Variants in PAX7 observed in about 807,000 individuals in gnomAD.
PAX7 encodes the protein paired box 7, also known as paired box protein Pax-7.
A neutral mutation model predicts 50.7 loss-of-function variants in PAX7; 18 were observed. The observed-to-expected ratio is 0.36, with a 90% confidence interval of 0.25 to 0.53. PAX7 has a LOEUF of 0.53. Among genes scored for constraint, PAX7 ranks in the 20% least tolerant of loss-of-function variants. The probability of loss-of-function intolerance (pLI) is 0.93; values close to 1 mark genes in which losing one functional copy is unlikely to be tolerated. For synonymous variants in PAX7, 310 were observed against 290.4 expected (o/e 1.07, Z -0.69); for missense variants, 644 against 702.9 (o/e 0.92, Z 0.95).
intron 7 of PAX7, among the ~76,000 whole-genome samples, chr1:18,719,008 C>G (rs1371246917): frequency 1.3e-5 from 2 of 152,124 alleles, no homozygotes; most frequent in Admixed American, 1.3e-4. Context: ...ATCCCCCTCC[C>G]CAGCAATCTC....
intron 4 of PAX7, among the ~76,000 whole-genome samples, chr1:18,684,382 T>C (rs994502684): frequency 2.6e-5 from 4 of 152,174 alleles, no homozygotes; most frequent in Admixed American, 2.0e-4. Context: ...TGGACTGTAA[T>C]GGGACGCTTC....
chr1:18,636,435 C>T lies in PAX7; in HGVS notation c.586+64C>T. 6.4e-7 allele frequency: 1 copy of T among 1,556,020 alleles called. No homozygotes were observed. The highest frequency in any genetic ancestry group is 2.3e-5 in the East Asian group (1 of 44,340). ...TTTTCCCACGCTCCGGTGTGCGGGCCAGTGGTTCGCTCCCGCCGCCGGAGC... is the reference window on the plus strand; with the variant it reads ...TTTTCCCACGCTCCGGTGTGCGGGCTAGTGGTTCGCTCCCGCCGCCGGAGC... On this transcript the variant is annotated intron_variant, in intron 4 of 8. Transcript: ENST00000420770. The surrounding 1 kb of genome is among the most constrained non-coding windows in gnomAD (Gnocchi z 5.1).
chr1:18,677,777 T>C (rs1322127154), intron 4 of PAX7, among the ~76,000 whole-genome samples: 1 of 152,164 alleles, frequency 6.6e-6, no homozygotes, highest in East Asian at 1.9e-4. Flanking sequence ...CTGCAGTTCC[T>C]TTAGACTGTG....
chr1:18,675,073 G>A (rs2088806203), intron 4 of PAX7, among the ~76,000 whole-genome samples: 1 of 152,178 alleles, frequency 6.6e-6, no homozygotes, highest in Non-Finnish European at 1.5e-5. Flanking sequence ...TGGAGACTTT[G>A]CTGCTTAGCA....
chr1:18,689,890 G>T (rs548479145), intron 4 of PAX7, among the ~76,000 whole-genome samples: 22 of 152,342 alleles, frequency 1.4e-4, no homozygotes, highest in Admixed American at 1.1e-3. Flanking sequence ...GGGAGGAGGG[G>T]GTTGCCCCTT....
chr1:18,718,877 T>C (rs866903840), intron 7 of PAX7, among the ~76,000 whole-genome samples: 2 of 152,078 alleles, frequency 1.3e-5, no homozygotes, highest in Non-Finnish European at 2.9e-5. Context: ...CCTGACCTCA[T>C]GATCCTCCCG....
At chr1:18,679,526 C>T (rs546421332) in intron 4 of PAX7, among the ~76,000 whole-genome samples, 2 of 152,336 alleles carry the variant, frequency 1.3e-5, no homozygotes, top group African/African-American at 4.8e-5. Context: ...GATTTTGAGA[C>T]CTCTCCTTAG....
At chr1:18,641,955 C>G (rs1442847625) in intron 4 of PAX7, among the ~76,000 whole-genome samples, 2 of 49,328 alleles carry the variant, frequency 4.1e-5, no homozygotes, top group Non-Finnish European at 1.2e-4. Flanking sequence ...GATTAACCTC[C>G]CCCCCCCCAA....
intron 5 of PAX7, among the ~76,000 whole-genome samples, chr1:18,695,400 T>G (rs2089138338): frequency 6.6e-6 from 1 of 152,136 alleles, no homozygotes; most frequent in African/African-American, 2.4e-5. Flanking sequence ...GCATTGGGGA[T>G]TCACTGGGCA....
chr1:18,655,484 C>T (rs910830984), intron 4 of PAX7, among the ~76,000 whole-genome samples: 1 of 152,190 alleles, frequency 6.6e-6, no homozygotes, highest in Non-Finnish European at 1.5e-5. Flanking sequence ...TCAGCTGGGA[C>T]CCAGGCACCT....
intron 6 of PAX7, among the ~76,000 whole-genome samples, chr1:18,701,916 A>C (rs2089227086): frequency 3.9e-5 from 6 of 152,174 alleles, no homozygotes; most frequent in Admixed American, 3.9e-4. Flanking sequence ...TCTGGGTCTC[A>C]GGAGAGAAGG....
At chr1:18,677,099 T>C (rs11576839) in intron 4 of PAX7, among the ~76,000 whole-genome samples, 8,575 of 152,218 alleles carry the variant, frequency 0.056, 306 homozygotes, top group East Asian at 0.087. Flanking sequence ...TGTAGGTGAT[T>C]TGGGGGACAC....
chr1:18,702,738 C>T (rs947818214), intron 6 of PAX7, among the ~76,000 whole-genome samples: 1 of 152,168 alleles, frequency 6.6e-6, no homozygotes, highest in African/African-American at 2.4e-5. Flanking sequence ...AAGTGGTTGA[C>T]GCTCACAAAA....
chr1:18,716,984 C>G (rs2089432959), intron 7 of PAX7, among the ~76,000 whole-genome samples: 1 of 150,920 alleles, frequency 6.6e-6, no homozygotes, highest in Non-Finnish European at 1.5e-5. Flanking sequence ...GGGGCGGCGG[C>G]CGGAGCGGGG....
At chr1:18,678,715 C>G (rs893889053) in intron 4 of PAX7, among the ~76,000 whole-genome samples, 2 of 152,188 alleles carry the variant, frequency 1.3e-5, no homozygotes, top group African/African-American at 4.8e-5. Flanking sequence ...TCCTGGAGGG[C>G]TTCATGGATT....
chr1:18,672,382 T>C (rs909045622), intron 4 of PAX7, among the ~76,000 whole-genome samples: 1 of 152,182 alleles, frequency 6.6e-6, no homozygotes, highest in Non-Finnish European at 1.5e-5. Context: ...TCAACTTTTT[T>C]TTGTTTAGAA....
At chr1:18,744,237 G>A (rs955907937) in intron 8 of PAX7, among the ~76,000 whole-genome samples, 1 of 152,166 alleles carries the variant, frequency 6.6e-6, no homozygotes, top group African/African-American at 2.4e-5. Flanking sequence ...GATTCACAGG[G>A]CCTTCTCCAT....
Position 18,636,406 on chromosome 1 carries a change from C to A in PAX7, c.586+35C>A. The A allele has an allele frequency of 6.2e-7, 1 of 1,604,038 alleles. No homozygotes were observed. The highest frequency in any genetic ancestry group is 8.5e-7 in the Non-Finnish European group (1 of 1,173,596). ...TTCCCTGGGCTGCGAGGCCCCAGCCCGGGTTTTCCCACGCTCCGGTGTGCG... is the reference window on the plus strand; with the variant it reads ...TTCCCTGGGCTGCGAGGCCCCAGCCAGGGTTTTCCCACGCTCCGGTGTGCG... On this transcript the variant is annotated intron_variant, in intron 4 of 8. Transcript: ENST00000420770. The surrounding 1 kb of genome is among the most constrained non-coding windows in gnomAD (Gnocchi z 5.1).
At chr1:18,650,172 C>G (rs1403999159) in intron 4 of PAX7, among the ~76,000 whole-genome samples, 1 of 152,236 alleles carries the variant, frequency 6.6e-6, no homozygotes, top group Non-Finnish European at 1.5e-5. Context: ...CTCCTGGAAT[C>G]AGAGCCCTCA....
Sources: allele counts gnomAD v4.1 joint callset (sites outside exome capture counted in the v4.1 genomes callset), GRCh38; gene constraint gnomAD v4.1.1; non-coding constraint Gnocchi (gnomAD v3.1); transcripts MANE v1.5; gene names NCBI Gene and HGNC (gene_info 2026-07-23, HGNC 2026-07-21).